DOCK1: variants seen among roughly 807,000 people sequenced by gnomAD.
DOCK1 encodes dedicator of cytokinesis protein 1.
In DOCK1, 138 loss-of-function variants were observed where a neutral mutation model predicts 262.7. That is an observed-to-expected ratio of 0.53 (90% CI 0.46 to 0.61). The LOEUF (loss-of-function observed/expected upper bound fraction) is 0.61, where lower values mean the gene tolerates loss of function less well. Among genes scored for constraint, DOCK1 ranks in the 20% least tolerant of loss-of-function variants. The pLI, the probability that DOCK1 is intolerant of heterozygous loss-of-function variation, is 0.00. For synonymous variants in DOCK1, 866 were observed against 867.4 expected (o/e 1.00, Z 0.03); for missense variants, 1,908 against 2,370.7 (o/e 0.80, Z 4.05).
chr10:127,222,961 G>A (rs192602353), intron 27 of DOCK1, among the ~76,000 whole-genome samples: 13 of 152,240 alleles, frequency 8.5e-5, no homozygotes, highest in Non-Finnish European at 1.5e-5. Flanking sequence ...ATAGGTGTGA[G>A]CCGCTGTGCC....
intron 1 of DOCK1, among the ~76,000 whole-genome samples, chr10:126,947,340 T>G (rs2035520677): frequency 3.3e-5 from 4 of 119,520 alleles, no homozygotes; most frequent in Admixed American, 3.3e-4. Flanking sequence ...AGTATTACTG[T>G]TGGTGATGGT....
chr10:127,392,194 G>A (rs995391447), intron 38 of DOCK1, among the ~76,000 whole-genome samples: 13 of 151,708 alleles, frequency 8.6e-5, no homozygotes, highest in African/African-American at 3.2e-4. Flanking sequence ...AACTTTCGTG[G>A]CTTTTGGAGT....
chr10:126,948,514 G>T (rs1368683116), intron 1 of DOCK1, among the ~76,000 whole-genome samples: 5 of 151,838 alleles, frequency 3.3e-5, no homozygotes, highest in East Asian at 1.9e-4. Flanking sequence ...TGTCCAGCCG[G>T]GCCTTTTGAG....
At chr10:127,252,311 A>G (rs893186260) in intron 28 of DOCK1, among the ~76,000 whole-genome samples, 22 of 150,926 alleles carry the variant, frequency 1.5e-4, no homozygotes, top group Middle Eastern at 3.4e-3. Flanking sequence ...AGTAGGTTGC[A>G]AAAATTTTCT....
At chr10:127,075,547 T>C (rs1016742595) in intron 23 of DOCK1, among the ~76,000 whole-genome samples, 3 of 152,218 alleles carry the variant, frequency 2.0e-5, no homozygotes, top group African/African-American at 7.2e-5. Context: ...GAGGTTTACT[T>C]GACTCACAGT....
At chr10:127,154,314 A>G (rs2052813883) in intron 27 of DOCK1, among the ~76,000 whole-genome samples, 1 of 152,260 alleles carries the variant, frequency 6.6e-6, no homozygotes, top group African/African-American at 2.4e-5. Flanking sequence ...CTGTCCTGCT[A>G]CAACTGGGAC....
intron 27 of DOCK1, among the ~76,000 whole-genome samples, chr10:127,154,580 T>C (rs904265128): frequency 3.3e-4 from 51 of 152,254 alleles, no homozygotes; most frequent in African/African-American, 1.1e-3. Context: ...TGCAAATCCC[T>C]GAACATTTAC....
chr10:127,354,615 A>T, intron 31 of DOCK1, 54 bp from the exon 32 acceptor site: 1 of 1,608,152 alleles, frequency 6.2e-7, no homozygotes, highest in Non-Finnish European at 8.5e-7. Context: ...TTCCAGTCCG[A>T]TTTTCAAATG....
chr10:126,938,804 G>A (rs1201225008), intron 1 of DOCK1, among the ~76,000 whole-genome samples: 3 of 50,886 alleles, frequency 5.9e-5, no homozygotes, highest in Admixed American at 1.6e-4. Context: ...GATGAGCACC[G>A]GAGGGGATGA....
chr10:127,276,113 A>G (rs1250945307), intron 29 of DOCK1, among the ~76,000 whole-genome samples: 3 of 152,200 alleles, frequency 2.0e-5, no homozygotes, highest in Admixed American at 6.5e-5. Context: ...TTAAGCTTCA[A>G]CAAACCCTAT....
At chr10:127,063,829 C>T (rs2045688959) in intron 23 of DOCK1, among the ~76,000 whole-genome samples, 1 of 152,152 alleles carries the variant, frequency 6.6e-6, no homozygotes, top group African/African-American at 2.4e-5. Context: ...ACCGGGAAGA[C>T]CATGCTTCAG....
intron 4 of DOCK1, among the ~76,000 whole-genome samples, chr10:126,982,229 G>C (rs1420336619): frequency 6.6e-6 from 1 of 152,180 alleles, no homozygotes; most frequent in African/African-American, 2.4e-5. Flanking sequence ...CTATTGGAAA[G>C]CATTCGCCCT....
chr10:126,918,198 G>T (rs1432487941), intron 1 of DOCK1, among the ~76,000 whole-genome samples: 2 of 151,258 alleles, frequency 1.3e-5, no homozygotes, highest in African/African-American at 4.9e-5. Context: ...GGACTCCACT[G>T]ATGCCTGGGA....
intron 45 of DOCK1, 42 bp downstream of exon 45, chr10:127,418,583 C>A: frequency 6.4e-7 from 1 of 1,564,982 alleles, no homozygotes; most frequent in Non-Finnish European, 8.6e-7. Flanking sequence ...CAGTCCTGCC[C>A]GGGGACAGAC....
At position 127,384,890 on chromosome 10, in the gene DOCK1, A is replaced by G. The variant is rs1380553869; in HGVS notation, c.3908A>G (p.His1303Arg). The G allele has an allele frequency of 1.2e-6, 2 of 1,602,710 alleles. No individual in the cohort carries two copies. The highest frequency in any genetic ancestry group is 8.5e-7 in the Non-Finnish European group (1 of 1,176,526). Reference sequence around the variant, plus strand: ...GAGCAGCTCTACCAGGAAATCATCCACTACTTCGACAAAGGCAAGGTAAAA... The same window carrying G: ...GAGCAGCTCTACCAGGAAATCATCCGCTACTTCGACAAAGGCAAGGTAAAA... ...LKEQLYQEII[H>R]YFDKGKMWEE... The change falls in exon 38 of 52, where the codon CAC becomes CGC. Residue 1303 changes from histidine to arginine, a missense_variant. Transcript: ENST00000623213.
intron 23 of DOCK1, among the ~76,000 whole-genome samples, chr10:127,069,994 G>A (rs189295706): frequency 6.6e-6 from 1 of 152,104 alleles, no homozygotes; most frequent in African/African-American, 2.4e-5. Context: ...GAGATGATGT[G>A]TTCTGTGCCT....
intron 27 of DOCK1, among the ~76,000 whole-genome samples, chr10:127,220,707 A>G (rs2058398211): frequency 6.6e-6 from 1 of 152,050 alleles, no homozygotes; most frequent in Non-Finnish European, 1.5e-5. Context: ...TGGAGATTAC[A>G]AGAATTACAA....
intron 23 of DOCK1, among the ~76,000 whole-genome samples, chr10:127,093,202 C>CTTCCTTTCTTTCTTTCTTTCTTTG (rs2047654409): frequency 7.7e-6 from 1 of 129,560 alleles, no homozygotes; most frequent in South Asian, 2.4e-4. Context: ...TCTCCTTTTT[C>CTTCCTTTCTTTCTTTCTTTCTTTG]TTTCTTTCTT....
chr10:126,952,114 G>T (rs1033425155), intron 1 of DOCK1, among the ~76,000 whole-genome samples: 4 of 151,978 alleles, frequency 2.6e-5, no homozygotes, highest in African/African-American at 9.7e-5. Context: ...TCCCAGAGGG[G>T]TGGGATTACA....
Sources: allele counts gnomAD v4.1 joint callset (sites outside exome capture counted in the v4.1 genomes callset), GRCh38; gene constraint gnomAD v4.1.1; transcripts MANE v1.5; gene names NCBI Gene and HGNC (gene_info 2026-07-23, HGNC 2026-07-21).